Variants in LOXL2 observed in about 807,000 individuals in gnomAD.
The protein encoded by LOXL2 is lysyl oxidase homolog 2.
LOXL2 carries 70 observed loss-of-function variants against 93.0 expected under a neutral mutation model. The observed-to-expected ratio is 0.75, with a 90% confidence interval of 0.62 to 0.92. The LOEUF (loss-of-function observed/expected upper bound fraction) is 0.92. Among genes scored for constraint, LOXL2 ranks in the 40% least tolerant of loss-of-function variants. The probability of loss-of-function intolerance (pLI) is 0.00; values close to 1 mark genes in which losing one functional copy is unlikely to be tolerated. For missense variants in LOXL2, 973 were observed against 1,054.9 expected, an observed-to-expected ratio of 0.92 and a Z score of 1.08; for synonymous variants, 438 against 413.2, an observed-to-expected ratio of 1.06 and a Z score of -0.73.
intron 10 of LOXL2, among the ~76,000 whole-genome samples, chr8:23,309,085 C>T (rs889981672): frequency 1.3e-5 from 2 of 151,506 alleles, no homozygotes; most frequent in Non-Finnish European, 1.5e-5. Flanking sequence ...CCTGGGTTCA[C>T]GCCATTCTCC....
chr8:23,318,911 T>C (rs566397769), intron 8 of LOXL2, among the ~76,000 whole-genome samples: 4 of 152,260 alleles, frequency 2.6e-5, no homozygotes, highest in South Asian at 2.1e-4. Context: ...GGACCTCCCA[T>C]TGGAGCAACC....
At chr8:23,382,165 C>G (rs538074104) in intron 1 of LOXL2, among the ~76,000 whole-genome samples, 1 of 152,270 alleles carries the variant, frequency 6.6e-6, no homozygotes, top group East Asian at 1.9e-4. Context: ...ACCCAGAAAA[C>G]CATGTCCCCT....
chr8:23,329,062 C>G (rs904782312), intron 5 of LOXL2: 1 of 169,218 alleles, frequency 5.9e-6, no homozygotes, highest in Non-Finnish European at 1.3e-5. Flanking sequence ...TTGCTTATAA[C>G]ACAGTGCTAC....
chr8:23,363,783 AT>A (rs1804344846), intron 2 of LOXL2: 1 of 152,160 alleles, frequency 6.6e-6, no homozygotes, highest in East Asian at 1.9e-4. Flanking sequence ...TGCTTGGTCA[AT>A]TTCTACTTAG....
chr8:23,393,815 C>T (rs894335548), intron 1 of LOXL2, among the ~76,000 whole-genome samples: 2 of 152,194 alleles, frequency 1.3e-5, no homozygotes, highest in African/African-American at 4.8e-5. Context: ...ATTTATCGCA[C>T]TTATTCTACT....
chr8:23,331,146 A>G (rs1803668878), intron 5 of LOXL2, among the ~76,000 whole-genome samples: 1 of 151,784 alleles, frequency 6.6e-6, no homozygotes, highest in African/African-American at 2.4e-5. Context: ...GAGTGTAATA[A>G]CCTCCTTTCC....
intron 1 of LOXL2, among the ~76,000 whole-genome samples, chr8:23,377,500 C>T (rs13271027): frequency 0.1 from 10,795 of 103,234 alleles, 697 homozygotes; most frequent in East Asian, 0.2. Flanking sequence ...TCCTTGTTAA[C>T]TTTCTGTCTC....
intron 6 of LOXL2, among the ~76,000 whole-genome samples, chr8:23,323,849 A>G (rs1182203508): frequency 6.6e-6 from 1 of 152,118 alleles, no homozygotes; most frequent in Non-Finnish European, 1.5e-5. Flanking sequence ...ATACAGGCAC[A>G]TGCCACCATG....
intron 3 of LOXL2, among the ~76,000 whole-genome samples, chr8:23,347,045 A>G (rs961868297): frequency 6.6e-6 from 1 of 152,182 alleles, no homozygotes; most frequent in South Asian, 2.1e-4. Flanking sequence ...AGGGCAGGGC[A>G]TGGTGACTCA....
At chr8:23,380,456 C>T (rs17089181) in intron 1 of LOXL2, among the ~76,000 whole-genome samples, 6,913 of 151,470 alleles carry the variant, frequency 0.046, 514 homozygotes, top group African/African-American at 0.16. Context: ...CTGCTCTACC[C>T]ATTTTCCTGG....
intron 2 of LOXL2, 86 bp from the exon 3 acceptor site, chr8:23,360,351 G>A: frequency 9.6e-7 from 1 of 1,044,076 alleles, no homozygotes; most frequent in Non-Finnish European, 1.4e-6. Context: ...CACATGGAAA[G>A]AGAATTTTTC....
intron 4 of LOXL2, chr8:23,336,251 A>C (rs542540618): frequency 3.3e-5 from 5 of 152,532 alleles, no homozygotes; most frequent in African/African-American, 1.2e-4. Context: ...AAGAGTGCAG[A>C]GCCCACAGCA....
At position 23,322,268 on chromosome 8, in the gene LOXL2, G is replaced by A. The variant is rs1469611468; in HGVS notation, c.1164C>T (p.Ile388=). The change falls in exon 7 of 14, where the codon ATC becomes ATT. Residue 388 remains isoleucine, a synonymous_variant. Transcript: ENST00000389131. ...GSRLGQGIGP[I]HLNEIQCTGN... The stretch of plus-strand genomic sequence containing the variant: ...CTGTGCACTGGATCTCGTTGAGGTG[G>A]ATGGGTCCGATCCCTGCAAGGGGAG... 9.3e-6 allele frequency: 15 copies of A among 1,614,044 alleles called. No homozygotes were observed. The highest frequency in any genetic ancestry group is 4.0e-5 in the African/African-American group (3 of 74,938).
chr8:23,376,466 G>A (rs1449387753), intron 1 of LOXL2, among the ~76,000 whole-genome samples: 1 of 152,170 alleles, frequency 6.6e-6, no homozygotes, highest in Admixed American at 6.5e-5. Flanking sequence ...AATGAGTTAG[G>A]GAGGATTCCC....
chr8:23,328,168 C>T lies in LOXL2; in HGVS notation c.1150+214G>A, dbSNP rs145671688. 3.2e-3 allele frequency among the ~76,000 whole-genome samples: 486 copies of T among 152,236 alleles called. 2 individuals carry two copies. Among genetic ancestry groups the T allele is most frequent in the Admixed American group, 8.4e-3 (128 of 15,288 alleles). On this transcript the variant is annotated intron_variant, in intron 6 of 13. Transcript: ENST00000389131. ...TTGGATGTTTACTCCGTCTTTTGGG[C>T]CTCTGCTTCCAAATCTATAAAATAG...
At chr8:23,330,544 G>C (rs1001993197) in intron 5 of LOXL2, among the ~76,000 whole-genome samples, 2 of 152,074 alleles carry the variant, frequency 1.3e-5, no homozygotes, top group African/African-American at 4.8e-5. Context: ...CCTCGCCCCA[G>C]CCCAGCTATG....
chr8:23,341,072 G>C lies in LOXL2; in HGVS notation c.663C>G (p.His221Gln). The change falls in exon 4 of 14, where the codon CAC (histidine) becomes CAG (glutamine). Residue 221 changes from histidine (H) to glutamine (Q), a missense_variant. Physicochemically the swap from His to Gln is conservative, Grantham distance 24. Transcript: ENST00000389131. The stretch of plus-strand genomic sequence containing the variant: ...CCACGCGGGAATTCTTGGCCGTCCA[G>C]TGCTTGTCACAGATCTGCTTCCAGG... ...GKTWKQICDK[H>Q]WTAKNSRVVC... The C allele has an allele frequency of 6.2e-7, 1 of 1,614,168 alleles. No homozygotes were observed. The highest frequency in any genetic ancestry group is 8.5e-7 in the Non-Finnish European group (1 of 1,180,034).
Position 23,319,902 on chromosome 8 carries a change from C to G in LOXL2, c.1453G>C (p.Ala485Pro), listed in dbSNP as rs560196062. 1.2e-4 allele frequency: 201 copies of G among 1,613,528 alleles called. No homozygotes were observed. Among genetic ancestry groups the G allele is most frequent in the Non-Finnish European group, 1.6e-4 (190 of 1,179,896 alleles). Reference protein sequence around the residue: ...VVCRQLGLGFASNAFQETWYW... With the variant: ...VVCRQLGLGFPSNAFQETWYW... ...CTTCTCACCTGGAAGGCGTTGCTGG[C>G]GAATCCCAGGCCCAGCTGGCGGCAG... The change falls in exon 8 of 14, where the codon GCC becomes CCC. Residue 485 changes from alanine to proline, a missense_variant. Ala to Pro is a conservative substitution (Grantham distance 27). Transcript: ENST00000389131.
chr8:23,364,871 G>A (rs1804372747), intron 2 of LOXL2: 1 of 152,204 alleles, frequency 6.6e-6, no homozygotes, highest in African/African-American at 2.4e-5. Flanking sequence ...AATCTGTGGG[G>A]TTACAACAAT....
Sources: allele counts gnomAD v4.1 joint callset (sites outside exome capture counted in the v4.1 genomes callset), GRCh38; gene constraint gnomAD v4.1.1; transcripts MANE v1.5; gene names NCBI Gene and HGNC (gene_info 2026-07-23, HGNC 2026-07-21).